The following SLC26A5 variants were observed in gnomAD, a reference collection of about 807,000 sequenced individuals.
SLC26A5 encodes solute carrier family 26 member 5, also known as prestin.
A neutral mutation model predicts 81.0 loss-of-function variants in SLC26A5; 51 were observed. The ratio of observed to expected loss-of-function variants is 0.63; its 90% CI spans 0.50 to 0.80. SLC26A5 has a LOEUF of 0.80. SLC26A5 is among the 30% of genes least tolerant of loss of function. The pLI, the probability that SLC26A5 is intolerant of heterozygous loss-of-function variation, is 0.00. For synonymous variants in SLC26A5, 325 were observed against 332.8 expected (o/e 0.98, Z 0.25); for missense variants, 771 against 905.8 (o/e 0.85, Z 1.91).
chr7:103,435,732 C>CT lies in SLC26A5; in HGVS notation c.-54+7350dup, dbSNP rs200088216. 7.2e-3 allele frequency among the ~76,000 whole-genome samples: 1,089 copies of CT among 152,280 alleles called. 11 individuals are homozygous for CT. Among genetic ancestry groups the CT allele is most frequent in the African/African-American group, 0.025 (1,047 of 41,554 alleles). On this transcript the variant is annotated intron_variant, in intron 2 of 19. Coordinates refer to ENST00000306312, the MANE Select transcript of SLC26A5 (RefSeq NM_198999.3). ...GCTAACTCCATACAGGGGGTTCTTT[C>CT]TAGGGGATCACTTGCACTCCGAGGG...
chr7:103,372,696 G>C (rs7777733), downstream of SLC26A5, among the ~76,000 whole-genome samples: 1 of 151,912 alleles, frequency 6.6e-6, no homozygotes, highest in African/African-American at 2.4e-5. Context: ...ATATGTGGGG[G>C]TTAGTTTTCT....
intron 6 of SLC26A5, 132 bp from the exon 7 acceptor site, chr7:103,410,681 C>G: frequency 2.5e-6 from 2 of 813,678 alleles, no homozygotes; most frequent in Admixed American, 4.3e-5. Context: ...CTCTGTCACC[C>G]AGGCAGTGGC....
intron 14 of SLC26A5, among the ~76,000 whole-genome samples, chr7:103,384,929 G>A (rs971701975): frequency 3.3e-5 from 5 of 152,078 alleles, no homozygotes; most frequent in African/African-American, 1.2e-4. Context: ...AACCTTTGAG[G>A]GGAAGGACCA....
intron 14 of SLC26A5, among the ~76,000 whole-genome samples, chr7:103,384,605 T>C (rs1822042823): frequency 6.7e-6 from 1 of 150,170 alleles, no homozygotes; most frequent in Non-Finnish European, 1.5e-5. Context: ...CGACAGAGCA[T>C]GACTCTGTCT....
chr7:103,366,044 A>AT (rs1820702789), intron 19 of SLC26A5: 2 of 1,552,288 alleles, frequency 1.3e-6, no homozygotes, highest in Non-Finnish European at 1.8e-6. Flanking sequence ...TTTGAAACCA[A>AT]TTTTGAATTA....
chr7:103,361,856 T>C (rs1820433714), intron 19 of SLC26A5: 2 of 1,186,842 alleles, frequency 1.7e-6, no homozygotes, highest in African/African-American at 3.1e-5. Flanking sequence ...GTAGTTCTAG[T>C]TTATACCTGT....
chr7:103,396,622 A>T (rs1823132023), intron 9 of SLC26A5, among the ~76,000 whole-genome samples: 1 of 152,214 alleles, frequency 6.6e-6, no homozygotes, highest in Admixed American at 6.5e-5. Flanking sequence ...GCATCTAGAG[A>T]AGTCAAATTC....
intron 16 of SLC26A5, 65 bp downstream of exon 16, chr7:103,379,178 G>A: frequency 9.1e-7 from 1 of 1,100,456 alleles, no homozygotes; most frequent in South Asian, 1.2e-5. Flanking sequence ...GTATACTAGT[G>A]ATCCTCATAT....
At chr7:103,361,305 G>A (rs10242349) in intron 19 of SLC26A5, among the ~76,000 whole-genome samples, 8,894 of 150,202 alleles carry the variant, frequency 0.059, 393 homozygotes, top group African/African-American at 0.12. Context: ...CTAGCCTGAG[G>A]TTGGGAGTTC....
In SLC26A5 at chr7:103,379,323, G is replaced by C. The variant is rs201640138; in HGVS notation, c.1597C>G (p.Pro533Ala). Residue 533 changes from proline (P) to alanine (A), a missense_variant, in exon 16 of 20, where the codon CCT becomes GCT. Physicochemically the swap from Pro to Ala is conservative, Grantham distance 27. Coordinates refer to ENST00000306312, the MANE Select transcript of SLC26A5 (RefSeq NM_198999.3). The stretch of plus-strand genomic sequence containing the variant: ...TTTATTTGAAATATTTTTATTCCAG[G>C]AATTTCTTTCACCTGAAGAGTAAAA... ...IDAYEEVKEI[P>A]GIKIFQINAP... 6.2e-7 allele frequency: 1 copy of C among 1,603,110 alleles called. No homozygotes were observed. Among genetic ancestry groups the C allele is most frequent in the African/African-American group, 1.3e-5 (1 of 74,642 alleles).
chr7:103,389,081 A>T lies in SLC26A5; in HGVS notation c.1441T>A (p.Phe481Ile), dbSNP rs768459200. The T allele has an allele frequency of 1.1e-4, 178 of 1,613,658 alleles. No individual in the cohort carries two copies. Among genetic ancestry groups the T allele is most frequent in the Non-Finnish European group, 1.4e-4 (163 of 1,179,786 alleles). The change falls in exon 14 of 20, where the codon TTC (phenylalanine) becomes ATC (isoleucine). Residue 481 changes from phenylalanine (F) to isoleucine (I), a missense_variant. Coordinates refer to ENST00000306312, the MANE Select transcript of SLC26A5 (RefSeq NM_198999.3). Reference protein sequence around the residue: ...IWLTTFVSSLFLGLDYGLITA... With the variant: ...IWLTTFVSSLILGLDYGLITA... Reference sequence around the variant, plus strand: ...ATCAAACCATAGTCCAATCCCAGGAACAAGGAGGACACAAAAGTGGTAAGC... The same window carrying T: ...ATCAAACCATAGTCCAATCCCAGGATCAAGGAGGACACAAAAGTGGTAAGC...
At chr7:103,371,669 AG>A (rs1821047606), downstream of SLC26A5, among the ~76,000 whole-genome samples, 1 of 149,836 alleles carries the variant, frequency 6.7e-6, no homozygotes, top group East Asian at 2.0e-4. Flanking sequence ...GCTAAGTGGA[AG>A]GCTGGTGCTA....
At chr7:103,385,282 C>T (rs1314293669) in intron 14 of SLC26A5, among the ~76,000 whole-genome samples, 1 of 152,110 alleles carries the variant, frequency 6.6e-6, no homozygotes, top group Admixed American at 6.6e-5. Context: ...CCTGCCTCAG[C>T]CTCCCCAGTA....
intron 8 of SLC26A5, among the ~76,000 whole-genome samples, chr7:103,401,834 T>C (rs1823615497): frequency 1.3e-5 from 2 of 152,202 alleles, no homozygotes; most frequent in Non-Finnish European, 2.9e-5. Context: ...TTGTCATTGG[T>C]TCTGTTTATG....
intron 19 of SLC26A5, chr7:103,362,023 C>T: frequency 6.2e-7 from 1 of 1,613,756 alleles, no homozygotes; most frequent in Non-Finnish European, 8.5e-7. Context: ...AGCAGTTTGC[C>T]AAGTTTGTGG....
intron 19 of SLC26A5, chr7:103,353,865 A>T (rs1819871699): frequency 1.4e-6 from 2 of 1,479,946 alleles, no homozygotes; most frequent in African/African-American, 2.8e-5. Flanking sequence ...TTTCTTTTTT[A>T]AAAATTTTAA....
chr7:103,388,586 G>C, intron 14 of SLC26A5: 1 of 331,750 alleles, frequency 3.0e-6, no homozygotes, highest in Non-Finnish European at 5.9e-6. Flanking sequence ...AAGTGGTTCA[G>C]GGTGGAGGAA....
chr7:103,413,204 C>T (rs758290856), intron 4 of SLC26A5, 92 bp from the exon 5 acceptor site: 22 of 837,646 alleles, frequency 2.6e-5, no homozygotes, highest in Non-Finnish European at 4.2e-5. Context: ...TTCTGATGAA[C>T]GAGTGAAGCC....
intron 2 of SLC26A5, among the ~76,000 whole-genome samples, chr7:103,437,970 A>C (rs1159486765): frequency 2.0e-5 from 3 of 152,228 alleles, no homozygotes; most frequent in Non-Finnish European, 4.4e-5. Context: ...TGTAGTTTCA[A>C]GTTCTCCTTC....
Sources: allele counts gnomAD v4.1 joint callset (sites outside exome capture counted in the v4.1 genomes callset), GRCh38; gene constraint gnomAD v4.1.1; transcripts MANE v1.5; gene names NCBI Gene and HGNC (gene_info 2026-07-23, HGNC 2026-07-21).